STK24: variants seen among roughly 807,000 people sequenced by gnomAD.
The protein encoded by STK24 is serine/threonine-protein kinase 24.
STK24 carries 21 observed loss-of-function variants against 55.6 expected under a neutral mutation model. That is an observed-to-expected ratio of 0.38 (90% CI 0.27 to 0.54). STK24 has a LOEUF of 0.54. Among genes scored for constraint, STK24 ranks in the 20% least tolerant of loss-of-function variants. The probability of loss-of-function intolerance (pLI) is 0.79; values close to 1 mark genes in which losing one functional copy is unlikely to be tolerated. For synonymous variants in STK24, 200 were observed against 215.2 expected, an observed-to-expected ratio of 0.93 and a Z score of 0.62; for missense variants, 383 against 538.4, an observed-to-expected ratio of 0.71 and a Z score of 2.86.
intron 1 of STK24, among the ~76,000 whole-genome samples, chr13:98,570,096 C>G (rs1206509091): frequency 2.0e-5 from 3 of 152,104 alleles, no homozygotes; most frequent in Admixed American, 6.5e-5. Context: ...CCAGGCTGGT[C>G]TTGAACTCCT....
chr13:98,468,976 C>A (rs1449954690), intron 5 of STK24, among the ~76,000 whole-genome samples: 3 of 152,238 alleles, frequency 2.0e-5, no homozygotes, highest in African/African-American at 7.2e-5. Context: ...TAAACACACT[C>A]GGTGACTGGC....
chr13:98,446,795 G>A lies in STK24; in HGVS notation c.*6378C>T. The A allele has an allele frequency of 6.2e-7, 1 of 1,614,130 alleles. No individual in the cohort carries two copies. The highest frequency in any genetic ancestry group is 8.5e-7 in the Non-Finnish European group (1 of 1,180,032). The stretch of plus-strand genomic sequence containing the variant: ...GTCCCACGTCTACTACTTCAGGGCG[G>A]AAAGCGAGTACACGTTCGAAAGGTA... On this transcript the variant is annotated 3_prime_UTR_variant, in exon 11 of 11. Transcript: ENST00000539966.
chr13:98,519,123 AAAACATCTCTCCTTGCTCTG>A, intron 2 of STK24, 100 bp downstream of exon 2: 1 of 769,542 alleles, frequency 1.3e-6, no homozygotes, highest in South Asian at 1.7e-5. Flanking sequence ...CACGAAGGTC[AAAACATCTCTCCTTGCTCTG>A]AAACCTGCTG....
At chr13:98,516,979 G>A (rs1896087990) in intron 2 of STK24, among the ~76,000 whole-genome samples, 1 of 152,210 alleles carries the variant, frequency 6.6e-6, no homozygotes, top group African/African-American at 2.4e-5. Flanking sequence ...GATACATGCA[G>A]ATATGTACTG....
chr13:98,456,353 C>G, intron 10 of STK24: 1 of 392,108 alleles, frequency 2.6e-6, no homozygotes, highest in Admixed American at 2.8e-5. Flanking sequence ...AGAGTCTCAG[C>G]CAGCTTTGGG....
intron 1 of STK24, among the ~76,000 whole-genome samples, chr13:98,545,019 C>A (rs1031992139): frequency 3.3e-5 from 5 of 152,224 alleles, no homozygotes; most frequent in African/African-American, 4.8e-5. Flanking sequence ...AAAAACCCCA[C>A]TTCCAGTTAG....
intron 1 of STK24, among the ~76,000 whole-genome samples, chr13:98,560,910 A>C (rs1420177178): frequency 6.6e-6 from 1 of 152,086 alleles, no homozygotes. Context: ...AAAAGAAAAA[A>C]AAAAAAAACC....
intron 7 of STK24, 60 bp downstream of exon 7, chr13:98,463,631 T>G: frequency 6.6e-7 from 1 of 1,515,416 alleles, no homozygotes; most frequent in Non-Finnish European, 8.8e-7. Flanking sequence ...CACCAAACAG[T>G]GACAAAGACC....
chr13:98,487,922 G>A (rs1166448589), intron 2 of STK24, among the ~76,000 whole-genome samples: 1 of 151,942 alleles, frequency 6.6e-6, no homozygotes, highest in Non-Finnish European at 1.5e-5. Flanking sequence ...AGTGTCTGAG[G>A]GTGCTAATTT....
In STK24 at chr13:98,448,159, T is replaced by G; in HGVS notation, c.*5014A>C. 1 of 1,261,526 alleles carries G rather than the reference T, an allele frequency of 7.9e-7. No homozygotes were observed. Among genetic ancestry groups the G allele is most frequent in the Non-Finnish European group, 1.2e-6 (1 of 860,836 alleles). The allele number at this position is 1,261,526 out of a possible 1,614,324, so 78.1% of individuals were successfully genotyped here. On this transcript the variant is annotated 3_prime_UTR_variant, in exon 11 of 11. Coordinates refer to ENST00000539966, the MANE Select transcript of STK24 (RefSeq NM_001032296.4). The stretch of plus-strand genomic sequence containing the variant: ...AGGCGGCCTGACTTCACCTTGTGTT[T>G]CTGTAAGCGATGCCCACCAAAGTGT...
intron 1 of STK24, among the ~76,000 whole-genome samples, chr13:98,549,521 T>C (rs1318211002): frequency 6.6e-6 from 1 of 152,214 alleles, no homozygotes; most frequent in Non-Finnish European, 1.5e-5. Context: ...GGCTTGGTGC[T>C]GTCCTCATAA....
At chr13:98,564,857 T>C (rs1201319871) in intron 1 of STK24, among the ~76,000 whole-genome samples, 2 of 152,100 alleles carry the variant, frequency 1.3e-5, no homozygotes, top group Admixed American at 6.5e-5. Flanking sequence ...CTTGGCAACA[T>C]AGCGAGATTC....
chr13:98,575,358 T>C (rs1897855462), intron 1 of STK24, among the ~76,000 whole-genome samples: 1 of 151,234 alleles, frequency 6.6e-6, no homozygotes, highest in Admixed American at 6.6e-5. Flanking sequence ...AATGTATATT[T>C]ATTTACTGCT....
chr13:98,493,598 G>C (rs1041550644), intron 2 of STK24, among the ~76,000 whole-genome samples: 29 of 152,078 alleles, frequency 1.9e-4, no homozygotes, highest in Non-Finnish European at 3.4e-4. Flanking sequence ...TATGAAGCTA[G>C]TAACACGTGT....
chr13:98,457,344 C>A, intron 9 of STK24, 40 bp from the exon 10 acceptor site: 1 of 1,613,222 alleles, frequency 6.2e-7, no homozygotes, highest in Non-Finnish European at 8.5e-7. Flanking sequence ...TGAAGCACAC[C>A]AGCTGCAAAA....
At chr13:98,493,538 T>C (rs1895121369) in intron 2 of STK24, among the ~76,000 whole-genome samples, 1 of 152,144 alleles carries the variant, frequency 6.6e-6, no homozygotes, top group African/African-American at 2.4e-5. Context: ...AACATCACAG[T>C]AAATGATCAT....
In STK24 at chr13:98,446,595, C is replaced by T. The variant is rs976220984; in HGVS notation, c.*6578G>A. The T allele has an allele frequency of 3.0e-5, 46 of 1,518,376 alleles. No individual in the cohort carries two copies. The highest frequency in any genetic ancestry group is 3.4e-4 in the Middle Eastern group (2 of 5,858). The allele number at this position is 1,518,376 out of a possible 1,614,324, so 94.1% of individuals were successfully genotyped here. ...TGGGCTCCCAAGTCCCTGTCTGATGCGGGGCAGCAGCCAGGCCCAGCAGCA... is the reference window on the plus strand; with the variant it reads ...TGGGCTCCCAAGTCCCTGTCTGATGTGGGGCAGCAGCCAGGCCCAGCAGCA... On this transcript the variant is annotated 3_prime_UTR_variant, in exon 11 of 11. Coordinates refer to ENST00000539966, the MANE Select transcript of STK24 (RefSeq NM_001032296.4).
At chr13:98,521,934 G>T in intron 1 of STK24, 1 of 1,189,882 alleles carries the variant, frequency 8.4e-7, no homozygotes, top group Non-Finnish European at 1.2e-6. Flanking sequence ...CTGGCTCTCT[G>T]CCCTTGGCAA....
intron 9 of STK24, among the ~76,000 whole-genome samples, chr13:98,459,765 G>C (rs1566344193): frequency 6.6e-6 from 1 of 152,266 alleles, no homozygotes; most frequent in South Asian, 2.1e-4. Flanking sequence ...AACAAGAAAA[G>C]AGGGGACTTC....
Sources: gnomAD v4.1 joint callset for allele counts (sites outside exome capture counted in the v4.1 genomes callset) on GRCh38, gnomAD v4.1.1 for gene constraint, MANE v1.5 for transcripts, NCBI Gene and HGNC (gene_info 2026-07-23, HGNC 2026-07-21) for gene names.